Variants in RALA observed in about 807,000 individuals in gnomAD.
RALA encodes ras-related protein Ral-A.
RALA carries 5 observed loss-of-function variants against 24.0 expected under a neutral mutation model. That is an observed-to-expected ratio of 0.21 (90% CI 0.11 to 0.44). RALA has a LOEUF of 0.44. Ranked by LOEUF, RALA falls within the 20% of genes least tolerant of loss-of-function variation. The pLI, the probability that RALA is intolerant of heterozygous loss-of-function variation, is 0.99. For synonymous variants in RALA, 77 were observed against 83.8 expected (o/e 0.92, Z 0.44); for missense variants, 95 against 241.2 (o/e 0.39, Z 4.01).
At chr7:39,704,848 G>A (rs1056163795) in intron 4 of RALA, among the ~76,000 whole-genome samples, 1 of 151,598 alleles carries the variant, frequency 6.6e-6, no homozygotes, top group Non-Finnish European at 1.5e-5. Flanking sequence ...GCTAATTTTT[G>A]TATTTTTTGT....
At chr7:39,674,343 G>A (rs1792442172) in intron 1 of RALA, among the ~76,000 whole-genome samples, 1 of 152,122 alleles carries the variant, frequency 6.6e-6, no homozygotes, top group South Asian at 2.1e-4. Context: ...TCTAGAACCT[G>A]TAGAGATACT....
Position 39,669,443 on chromosome 7 carries a change from CAT to C in RALA, c.-37-17187_-37-17186del, listed in dbSNP as rs201620873. On this transcript the variant is annotated intron_variant, in intron 1 of 4. Coordinates refer to ENST00000005257, the MANE Select transcript of RALA (RefSeq NM_005402.4). ...AAAGAGAGCCAACTTACAGATGAAA[CAT>C]GTGTTAAAGAGTGGGATTTAACAGA... Among the ~76,000 whole-genome samples, 798 of 152,260 alleles carry C rather than the reference CAT, an allele frequency of 5.2e-3. 9 individuals carry two copies. The highest frequency in any genetic ancestry group is 0.018 in the African/African-American group (745 of 41,548).
chr7:39,654,390 A>G (rs575088240), intron 1 of RALA, among the ~76,000 whole-genome samples: 162 of 152,282 alleles, frequency 1.1e-3, no homozygotes, highest in African/African-American at 3.7e-3. Context: ...CAGTTTTTAC[A>G]GTAATAAGTA....
chr7:39,649,042 A>G (rs570255397), intron 1 of RALA, among the ~76,000 whole-genome samples: 1 of 152,198 alleles, frequency 6.6e-6, no homozygotes, highest in Non-Finnish European at 1.5e-5. Flanking sequence ...CCTGTGCGAC[A>G]GAGCGAGACC....
Position 39,690,580 on chromosome 7 carries a change from G to A in RALA, c.313G>A (p.Ala105Thr), listed in dbSNP as rs770007567. The change falls in exon 3 of 5, where the codon GCT becomes ACT. Residue 105 changes from alanine to threonine, a missense_variant. Coordinates refer to ENST00000005257, the MANE Select transcript of RALA (RefSeq NM_005402.4). Reference protein sequence around the residue: ...ITEMESFAATADFREQILRVK... With the variant: ...ITEMESFAATTDFREQILRVK... Reference sequence around the variant, plus strand: ...AGAAATGGAATCCTTTGCAGCTACAGCTGACTTCAGGTATGTCCTAGAGTA... The same window carrying A: ...AGAAATGGAATCCTTTGCAGCTACAACTGACTTCAGGTATGTCCTAGAGTA... 8.1e-6 allele frequency: 13 copies of A among 1,609,958 alleles called. No individual in the cohort carries two copies. The South Asian group carries it at 1.1e-4, about 14-fold the overall frequency.
At chr7:39,685,389 G>A (rs1176268541) in intron 1 of RALA, among the ~76,000 whole-genome samples, 6 of 152,338 alleles carry the variant, frequency 3.9e-5, no homozygotes, top group South Asian at 2.1e-4. Flanking sequence ...AGGAGGGGGC[G>A]TGGTTCTGGG....
chr7:39,698,006 C>G lies in RALA; in HGVS notation c.498+1147C>G, dbSNP rs570758804. On this transcript the variant is annotated intron_variant, in intron 4 of 4. Coordinates refer to ENST00000005257, the MANE Select transcript of RALA (RefSeq NM_005402.4). ...GTGTATGTGTGTTTTGCTTAAATAA[C>G]AAAGTTATTTCTCACAGTTCTGGAG... 2.0e-5 allele frequency among the ~76,000 whole-genome samples: 3 copies of G among 151,114 alleles called. No individual in the cohort carries two copies. In the Admixed American group the frequency reaches 2.0e-4, roughly 10 times the overall value.
intron 1 of RALA, among the ~76,000 whole-genome samples, chr7:39,657,221 C>T (rs1792114684): frequency 6.6e-6 from 1 of 152,196 alleles, no homozygotes; most frequent in East Asian, 1.9e-4. Flanking sequence ...CCACCTCGGC[C>T]TCCCAAGGTG....
intron 1 of RALA, among the ~76,000 whole-genome samples, chr7:39,634,004 CAG>C (rs1791644113): frequency 6.6e-6 from 1 of 152,180 alleles, no homozygotes; most frequent in African/African-American, 2.4e-5. Flanking sequence ...TGTGAACTCT[CAG>C]ACCACATCCT....
chr7:39,659,412 G>A (rs1554296525), intron 1 of RALA, among the ~76,000 whole-genome samples: 1 of 151,012 alleles, frequency 6.6e-6, no homozygotes, highest in Non-Finnish European at 1.5e-5. Context: ...TTTTCCCCTA[G>A]TTTGTAACTT....
intron 1 of RALA, among the ~76,000 whole-genome samples, chr7:39,669,337 C>T (rs6977082): frequency 0.21 from 31,133 of 151,800 alleles, 3,465 homozygotes; most frequent in South Asian, 0.3. Context: ...TCAATAAATA[C>T]ATGTTGGTGC....
intron 4 of RALA, among the ~76,000 whole-genome samples, chr7:39,698,000 A>T (rs922538821): frequency 2.0e-5 from 3 of 150,978 alleles, no homozygotes; most frequent in African/African-American, 7.3e-5. Context: ...TGTTTTGCTT[A>T]AATAACAAAG....
In RALA at chr7:39,675,893, A is replaced by G. The variant is rs941572763; in HGVS notation, c.-37-10738A>G. Among the ~76,000 whole-genome samples the G allele has an allele frequency of 1.1e-4, 16 of 152,122 alleles. No homozygotes were observed. In the East Asian group the frequency reaches 1.9e-3, roughly 18 times the overall value. On this transcript the variant is annotated intron_variant, in intron 1 of 4. Coordinates refer to ENST00000005257, the MANE Select transcript of RALA (RefSeq NM_005402.4). ...GGAGTATCATGTGTGAGTTGTTTAT[A>G]TGAAATACTTTCCATTCACTAAGAC...
chr7:39,686,861 A>G (rs1792713308), intron 2 of RALA, 80 bp downstream of exon 2: 4 of 1,087,480 alleles, frequency 3.7e-6, no homozygotes, highest in Non-Finnish European at 4.1e-6. Flanking sequence ...GCTATTTTGT[A>G]TGGATTGTTT....
chr7:39,698,935 T>G (rs1363027010), intron 4 of RALA, among the ~76,000 whole-genome samples: 1 of 152,020 alleles, frequency 6.6e-6, no homozygotes, highest in Admixed American at 6.6e-5. Flanking sequence ...GAAGTACAAC[T>G]TTAAAATATA....
chr7:39,648,266 G>A (rs2115961556), intron 1 of RALA, among the ~76,000 whole-genome samples: 1 of 152,214 alleles, frequency 6.6e-6, no homozygotes, highest in South Asian at 2.1e-4. Context: ...CTATTAGGTG[G>A]TAGAACCTAG....
At chr7:39,647,593 A>G (rs1448786922) in intron 1 of RALA, among the ~76,000 whole-genome samples, 2 of 152,062 alleles carry the variant, frequency 1.3e-5, no homozygotes, top group African/African-American at 4.8e-5. Context: ...GTTCCCCCCA[A>G]ATTTGTATGT....
intron 1 of RALA, among the ~76,000 whole-genome samples, chr7:39,665,431 A>C (rs1278595809): frequency 1.3e-5 from 2 of 152,178 alleles, no homozygotes; most frequent in Non-Finnish European, 2.9e-5. Flanking sequence ...CCAGTCAAAT[A>C]AGCATTTGTA....
At chr7:39,674,655 CCT>C (rs1792447750) in intron 1 of RALA, among the ~76,000 whole-genome samples, 1 of 152,132 alleles carries the variant, frequency 6.6e-6, no homozygotes, top group Admixed American at 6.6e-5. Context: ...TATCCTTTAT[CCT>C]AAGTGCTTGG....
Sources: gnomAD v4.1 joint callset for allele counts (sites outside exome capture counted in the v4.1 genomes callset) on GRCh38, gnomAD v4.1.1 for gene constraint, MANE v1.5 for transcripts, NCBI Gene and HGNC (gene_info 2026-07-23, HGNC 2026-07-21) for gene names.